The following CEACAM1 variants were observed in gnomAD, a reference collection of about 807,000 sequenced individuals.
The protein encoded by CEACAM1 is CEA cell adhesion molecule 1.
Under a neutral mutation model 49.1 loss-of-function variants are expected in CEACAM1, and 31 were observed. The ratio of observed to expected loss-of-function variants is 0.63; its 90% confidence interval spans 0.47 to 0.85. CEACAM1 has a LOEUF of 0.85. Among genes scored for constraint, CEACAM1 ranks in the 40% least tolerant of loss-of-function variants. The pLI, the probability that CEACAM1 is intolerant of heterozygous loss-of-function variation, is 0.00. For synonymous variants in CEACAM1, 244 were observed against 247.8 expected, an observed-to-expected ratio of 0.98 and a Z score of 0.14; for missense variants, 570 against 645.3, an observed-to-expected ratio of 0.88 and a Z score of 1.26.
rs1362487834 is a variant in CEACAM1, at chr19:42,521,445, A to G, written c.780T>C (p.Tyr260=). 1 of 1,614,258 alleles carries G rather than the reference A, an allele frequency of 6.2e-7. No homozygotes were observed. Among genetic ancestry groups the G allele is most frequent in the East Asian group, 2.2e-5 (1 of 44,886 alleles). Residue 260 remains tyrosine, a synonymous_variant, in exon 4 of 9, where the codon TAT becomes TAC. Coordinates refer to ENST00000161559, the MANE Select transcript of CEACAM1 (RefSeq NM_001712.5). ...RPGANLSLSC[Y]AASNPPAQYS... Reference sequence around the variant, plus strand: ...ACTGTGCAGGTGGGTTAGAGGCTGCATAGCAGGAGAGGCTGAGGTTTGCCC... The same window carrying G: ...ACTGTGCAGGTGGGTTAGAGGCTGCGTAGCAGGAGAGGCTGAGGTTTGCCC...
intron 5 of CEACAM1, among the ~76,000 whole-genome samples, chr19:42,514,179 T>C (rs181881712): frequency 2.1e-4 from 32 of 150,424 alleles, no homozygotes; most frequent in African/African-American, 6.1e-4. Flanking sequence ...TTGCCTAGGC[T>C]AGAGTGCAAT....
chr19:42,507,553 CT>C lies in CEACAM1; in HGVS notation c.*1555del, dbSNP rs1380662199. On this transcript the variant is annotated 3_prime_UTR_variant, in exon 9 of 9. Coordinates refer to ENST00000161559, the MANE Select transcript of CEACAM1 (RefSeq NM_001712.5). ...TCAGGTAAGCAATATAGAATAAAACCTTTCTCTTAGCCCCAAAGAGATTCCA... is the reference window on the plus strand; with the variant it reads ...TCAGGTAAGCAATATAGAATAAAACCTTCTCTTAGCCCCAAAGAGATTCCA... 4 of 152,156 alleles carry C rather than the reference CT, an allele frequency of 2.6e-5. No individual in the cohort carries two copies. Among genetic ancestry groups the C allele is most frequent in the African/African-American group, 9.7e-5 (4 of 41,440 alleles). The allele number at this position is 152,156 out of a possible 1,614,324, so 9.4% of individuals were successfully genotyped here.
chr19:42,511,707 G>A, intron 6 of CEACAM1, 79 bp from the exon 7 acceptor site: 2 of 1,383,876 alleles, frequency 1.4e-6, no homozygotes, highest in South Asian at 1.2e-5. Context: ...GACACTGTGA[G>A]CAGGTAATTC....
At chr19:42,526,281 C>T (rs1274274856) in intron 2 of CEACAM1, among the ~76,000 whole-genome samples, 3 of 152,150 alleles carry the variant, frequency 2.0e-5, no homozygotes, top group Admixed American at 6.5e-5. Flanking sequence ...GTTGGATTCC[C>T]TGAGAGTGCC....
chr19:42,523,734 A>G (rs995670109), intron 2 of CEACAM1, among the ~76,000 whole-genome samples: 4 of 152,226 alleles, frequency 2.6e-5, no homozygotes, highest in Non-Finnish European at 5.9e-5. Context: ...GAAAATTGTT[A>G]TTAATACTCT....
intron 5 of CEACAM1, among the ~76,000 whole-genome samples, chr19:42,517,295 C>A (rs773773872): frequency 6.6e-6 from 1 of 152,136 alleles, no homozygotes; most frequent in Non-Finnish European, 1.5e-5. Flanking sequence ...ACACTAAAAG[C>A]ATAGGCAACG....
intron 5 of CEACAM1, among the ~76,000 whole-genome samples, chr19:42,513,427 T>C (rs890671279): frequency 5.3e-5 from 8 of 151,966 alleles, no homozygotes; most frequent in Admixed American, 3.3e-4. Flanking sequence ...TGAAACCCTA[T>C]CTCTACTAAA....
chr19:42,519,081 C>T lies in CEACAM1; in HGVS notation c.1113G>A (p.Arg371=). 6.2e-7 allele frequency: 1 copy of T among 1,612,276 alleles called. No individual in the cohort carries two copies. Residue 371 remains arginine, a synonymous_variant, in exon 5 of 9, where the codon AGG becomes AGA. Transcript: ENST00000161559. Reference sequence around the variant, plus strand: ...TGGTGTTGCCCTGGGACAGCTTCATCCTCTCCGAGGACGGGAGACTCTGGT... The same window carrying T: ...TGGTGTTGCCCTGGGACAGCTTCATTCTCTCCGAGGACGGGAGACTCTGGT... ...FKNQSLPSSE[R]MKLSQGNTTL...
intron 6 of CEACAM1, 49 bp downstream of exon 6, chr19:42,512,301 A>G (rs375895078): frequency 1.2e-6 from 2 of 1,607,738 alleles, no homozygotes; most frequent in African/African-American, 1.3e-5. Flanking sequence ...TCTCCCAAGC[A>G]TGGCAGTCAG....
intron 5 of CEACAM1, among the ~76,000 whole-genome samples, chr19:42,518,246 C>G (rs1422466033): frequency 6.6e-6 from 1 of 152,066 alleles, no homozygotes; most frequent in Non-Finnish European, 1.5e-5. Context: ...AACCCCAACT[C>G]TACAAAAAAA....
At chr19:42,527,593 C>T (rs149053190) in intron 1 of CEACAM1, among the ~76,000 whole-genome samples, 193 bp from the exon 2 acceptor site, 1 of 147,606 alleles carries the variant, frequency 6.8e-6, no homozygotes, top group East Asian at 2.1e-4. Context: ...TCCCTTAGTG[C>T]CTCTGACCTT....
chr19:42,524,479 G>A (rs1389764066), intron 2 of CEACAM1, among the ~76,000 whole-genome samples: 1 of 152,132 alleles, frequency 6.6e-6, no homozygotes, highest in Non-Finnish European at 1.5e-5. Context: ...CCTGTCCCCT[G>A]GCCTGTTCCA....
chr19:42,509,888 GAGTGCTGGGATTA>G (rs2041414559), intron 8 of CEACAM1, among the ~76,000 whole-genome samples: 2 of 151,548 alleles, frequency 1.3e-5, no homozygotes, highest in African/African-American at 2.4e-5. Context: ...TGGCCTCCCA[GAGTGCTGGGATTA>G]CAGGTGTGAG....
chr19:42,510,341 C>T (rs1289611348), intron 8 of CEACAM1, among the ~76,000 whole-genome samples: 1 of 152,218 alleles, frequency 6.6e-6, no homozygotes, highest in Non-Finnish European at 1.5e-5. Flanking sequence ...CTGCCTTGGC[C>T]TCCCAAAGTG....
Position 42,522,665 on chromosome 19 carries a change from G to A in CEACAM1, c.425-463C>T, listed in dbSNP as rs890265570. 4.0e-5 allele frequency among the ~76,000 whole-genome samples: 6 copies of A among 150,478 alleles called. No individual in the cohort carries two copies. The East Asian group carries it at 5.9e-4, about 15-fold the overall frequency. ...CAACCTCTTCCTCCCGGGTTCAAGCGATTCTCCTGCCTCAGCCTCCTGAGT... is the reference window on the plus strand; with the variant it reads ...CAACCTCTTCCTCCCGGGTTCAAGCAATTCTCCTGCCTCAGCCTCCTGAGT... On this transcript the variant is annotated intron_variant, in intron 2 of 8. Transcript: ENST00000161559.
chr19:42,515,472 G>C (rs908098044), intron 5 of CEACAM1, among the ~76,000 whole-genome samples: 1 of 152,134 alleles, frequency 6.6e-6, no homozygotes, highest in Non-Finnish European at 1.5e-5. Flanking sequence ...TCAGGAATTT[G>C]AGACCAGCTG....
At chr19:42,521,104 A>C in intron 4 of CEACAM1, 163 bp downstream of exon 4, 1 of 762,336 alleles carries the variant, frequency 1.3e-6, no homozygotes, top group Non-Finnish European at 2.2e-6. Context: ...AAACAAAGGG[A>C]AGAGAGTCTG....
At position 42,527,154 on chromosome 19, in the gene CEACAM1, T is replaced by A; in HGVS notation, c.311A>T (p.Asn104Ile). Reference sequence around the variant, plus strand: ...GACGTTCTGGATCAGCAGGGATGCATTGGGGTATATTGTCTCTCGACCGCT... The same window carrying A: ...GACGTTCTGGATCAGCAGGGATGCAATGGGGTATATTGTCTCTCGACCGCT... ...ANSGRETIYP[N>I]ASLLIQNVTQ... Residue 104 changes from asparagine to isoleucine, a missense_variant, in exon 2 of 9, where the codon AAT (asparagine) becomes ATT (isoleucine). By Grantham distance (149) the Asn-to-Ile change is moderately radical (BLOSUM62 -3). Coordinates refer to ENST00000161559, the MANE Select transcript of CEACAM1 (RefSeq NM_001712.5). The A allele has an allele frequency of 1.2e-6, 2 of 1,614,144 alleles. No individual in the cohort carries two copies. Among genetic ancestry groups the A allele is most frequent in the Non-Finnish European group, 8.5e-7 (1 of 1,180,004 alleles).
chr19:42,527,343 A>G lies in CEACAM1; in HGVS notation c.122T>C (p.Met41Thr), dbSNP rs764975765. The change falls in exon 2 of 9, where the codon ATG (methionine) becomes ACG (threonine). Residue 41 changes from methionine (M) to threonine (T), a missense_variant. Transcript: ENST00000161559. ...PTTAQLTTES[M>T]PFNVAEGKEV... ...CTTCCCCTCTGCAACATTGAATGGCATGGATTCAGTAGTGAGCTGGGCAGT... is the reference window on the plus strand; with the variant it reads ...CTTCCCCTCTGCAACATTGAATGGCGTGGATTCAGTAGTGAGCTGGGCAGT... The G allele has an allele frequency of 6.2e-7, 1 of 1,613,614 alleles. No homozygotes were observed. Among genetic ancestry groups the G allele is most frequent in the South Asian group, 1.1e-5 (1 of 91,004 alleles).
Sources: allele counts gnomAD v4.1 joint callset (sites outside exome capture counted in the v4.1 genomes callset), GRCh38; gene constraint gnomAD v4.1.1; transcripts MANE v1.5; gene names NCBI Gene and HGNC (gene_info 2026-07-23, HGNC 2026-07-21).